PAK5: variants seen among roughly 807,000 people sequenced by gnomAD.
The protein encoded by PAK5 is serine/threonine-protein kinase PAK 5.
A neutral mutation model predicts 65.9 loss-of-function variants in PAK5; 16 were observed. That is an observed-to-expected ratio of 0.24 (90% CI 0.16 to 0.37). The LOEUF (loss-of-function observed/expected upper bound fraction) is 0.37, where lower values mean the gene tolerates loss of function less well. Ranked by LOEUF, PAK5 falls within the 10% of genes least tolerant of loss-of-function variation. PAK5 has a pLI of 1.00. For missense variants in PAK5, 785 were observed against 903.9 expected, an observed-to-expected ratio of 0.87 and a Z score of 1.69; for synonymous variants, 371 against 354.9, an observed-to-expected ratio of 1.05 and a Z score of -0.51.
In PAK5 at chr20:9,544,508, G is replaced by C; in HGVS notation, c.1744-14C>G. On this transcript the variant is annotated splice_polypyrimidine_tract_variant and intron_variant, in intron 7 of 9. Coordinates refer to ENST00000353224, the MANE Select transcript of PAK5 (RefSeq NM_177990.4). ...AGACAACTTTATCTGAAAAGGAAAG[G>C]AATGCAACAAACTAGCAATTTTAAA... 1.2e-6 allele frequency: 2 copies of C among 1,612,542 alleles called. No homozygotes were observed. The highest frequency in any genetic ancestry group is 1.7e-6 in the Non-Finnish European group (2 of 1,178,600).
intron 3 of PAK5, among the ~76,000 whole-genome samples, chr20:9,583,613 T>C (rs879679680): frequency 6.6e-6 from 1 of 152,266 alleles, no homozygotes; most frequent in Admixed American, 6.5e-5. Context: ...TCTGATCTTC[T>C]GGTTTATTTT....
At chr20:9,556,786 CCT>C (rs2045514377) in intron 7 of PAK5, among the ~76,000 whole-genome samples, 1 of 152,156 alleles carries the variant, frequency 6.6e-6, no homozygotes, top group Non-Finnish European at 1.5e-5. Flanking sequence ...TGATAAATAT[CCT>C]CTGTTTGTCC....
intron 9 of PAK5, among the ~76,000 whole-genome samples, chr20:9,539,860 T>C (rs1380101503): frequency 6.6e-6 from 1 of 152,236 alleles, no homozygotes; most frequent in East Asian, 1.9e-4. Context: ...ACTTATTTAC[T>C]ACATAAAATA....
chr20:9,777,345 G>A (rs112978412), intron 1 of PAK5, among the ~76,000 whole-genome samples: 5 of 152,142 alleles, frequency 3.3e-5, no homozygotes, highest in African/African-American at 9.7e-5. Context: ...CCCGGTGGGA[G>A]GTAATTGAAT....
At chr20:9,747,872 A>G (rs1186317611) in intron 1 of PAK5, among the ~76,000 whole-genome samples, 4 of 150,842 alleles carry the variant, frequency 2.7e-5, no homozygotes, top group African/African-American at 9.7e-5. Context: ...AGGGTATTCA[A>G]TTAGGAAAAG....
intron 2 of PAK5, among the ~76,000 whole-genome samples, chr20:9,650,752 T>A (rs2047192757): frequency 6.6e-6 from 1 of 152,154 alleles, no homozygotes; most frequent in African/African-American, 2.4e-5. Context: ...AGCATACTTG[T>A]GGGGCTTATG....
chr20:9,692,014 T>C (rs1015471308), intron 2 of PAK5, among the ~76,000 whole-genome samples: 4 of 152,198 alleles, frequency 2.6e-5, no homozygotes, highest in African/African-American at 9.7e-5. Flanking sequence ...TTTAAGTCCA[T>C]GTGCAAAGAA....
rs146717673 is a variant in PAK5 at position 9,603,890 on chromosome 20, T to A, written c.205-22960A>T. ...AGGCCGTCTAGCTACAGAACCCACA[T>A]CTTCACTGCTACATTCACATTGCTA... On this transcript the variant is annotated intron_variant, in intron 3 of 9. Transcript: ENST00000353224. 2.6e-5 allele frequency among the ~76,000 whole-genome samples: 4 copies of A among 152,282 alleles called. No homozygotes were observed. In the East Asian group the frequency reaches 7.7e-4, roughly 29 times the overall value.
At chr20:9,697,237 A>G (rs1241226281) in intron 2 of PAK5, among the ~76,000 whole-genome samples, 5 of 152,104 alleles carry the variant, frequency 3.3e-5, no homozygotes, top group East Asian at 1.9e-4. Context: ...TTTTATTTCT[A>G]TAAGTCAGAA....
rs1440631593 is a variant in PAK5, at chr20:9,580,722, G to C, written c.413C>G (p.Thr138Ser). Residue 138 changes from threonine (T) to serine (S), a missense_variant, in exon 4 of 10, where the codon ACT becomes AGT. Physicochemically the swap from Thr to Ser is moderately conservative, Grantham distance 58. Around this residue, in one of 4 missense-constraint regions of PAK5, gnomAD observed 422 missense variants for 413.3 expected, o/e 1.02. Transcript: ENST00000353224. ...FSQYSSESDT[T>S]ADYTTEKYRE... ...GTACTTTTCGGTCGTGTAGTCAGCA[G>C]TAGTATCGGATTCGCTGGAATACTG... The C allele has an allele frequency of 6.2e-7, 1 of 1,613,982 alleles. No individual in the cohort carries two copies. Among genetic ancestry groups the C allele is most frequent in the Non-Finnish European group, 8.5e-7 (1 of 1,179,932 alleles).
intron 2 of PAK5, among the ~76,000 whole-genome samples, chr20:9,692,397 C>T (rs1426357809): frequency 1.3e-5 from 2 of 152,186 alleles, no homozygotes; most frequent in African/African-American, 4.8e-5. Context: ...TATTCATCCT[C>T]GCTGCTGTAT....
intron 2 of PAK5, among the ~76,000 whole-genome samples, chr20:9,705,469 G>A (rs2047994643): frequency 6.6e-6 from 1 of 152,142 alleles, no homozygotes; most frequent in Admixed American, 6.5e-5. Flanking sequence ...CCACTTGTTG[G>A]GAGTGTAAAT....
intron 1 of PAK5, among the ~76,000 whole-genome samples, chr20:9,789,251 T>A (rs1358052778): frequency 2.0e-5 from 3 of 152,204 alleles, no homozygotes; most frequent in South Asian, 2.1e-4. Flanking sequence ...TTATGTCTTA[T>A]TCACAACTCT....
intron 1 of PAK5, among the ~76,000 whole-genome samples, chr20:9,732,881 G>A (rs559891435): frequency 3.9e-5 from 6 of 152,282 alleles, no homozygotes; most frequent in East Asian, 1.9e-4. Context: ...TGGTGCTTGC[G>A]TAGACACCAA....
rs1454980263 is a variant in PAK5, at chr20:9,763,144, G to C, written c.-161-51709C>G. Among the ~76,000 whole-genome samples the C allele has an allele frequency of 2.0e-5, 3 of 151,852 alleles. No homozygotes were observed. The East Asian group carries it at 5.8e-4, about 29-fold the overall frequency. ...GGAAATGGGGAAGCAATGGTTAGAG[G>C]GTTCAAAGTTTTACTTATACAAGAT... On this transcript the variant is annotated intron_variant, in intron 1 of 9. Coordinates refer to ENST00000353224, the MANE Select transcript of PAK5 (RefSeq NM_177990.4).
At chr20:9,760,678 T>C (rs1391924255) in intron 1 of PAK5, among the ~76,000 whole-genome samples, 2 of 148,220 alleles carry the variant, frequency 1.3e-5, no homozygotes, top group Non-Finnish European at 3.0e-5. Context: ...CTTTTCTTTT[T>C]TTTTTTTTTT....
intron 1 of PAK5, among the ~76,000 whole-genome samples, chr20:9,765,679 C>T (rs1301713622): frequency 6.6e-6 from 1 of 152,042 alleles, no homozygotes; most frequent in Non-Finnish European, 1.5e-5. Context: ...TTCTCCCTGC[C>T]CAACCCTCCT....
chr20:9,551,984 A>G (rs2045435760), intron 7 of PAK5, among the ~76,000 whole-genome samples: 1 of 152,156 alleles, frequency 6.6e-6, no homozygotes, highest in Admixed American at 6.5e-5. Flanking sequence ...CTGAAATAGG[A>G]AGTTGCAGGA....
At chr20:9,592,768 A>C (rs2046194705) in intron 3 of PAK5, among the ~76,000 whole-genome samples, 1 of 152,150 alleles carries the variant, frequency 6.6e-6, no homozygotes, top group Admixed American at 6.5e-5. Flanking sequence ...CATGCAGTTT[A>C]AGCTGAAAGG....
Sources: gnomAD v4.1 joint callset for allele counts (sites outside exome capture counted in the v4.1 genomes callset) on GRCh38, gnomAD v4.1.1 for gene constraint, gnomAD v4.1.1 regional missense constraint, MANE v1.5 for transcripts, NCBI Gene and HGNC (gene_info 2026-07-23, HGNC 2026-07-21) for gene names.